The following CNTNAP2 variants were observed in gnomAD, a reference collection of about 807,000 sequenced individuals.
CNTNAP2 encodes the protein contactin-associated protein-like 2.
A neutral mutation model predicts 155.2 loss-of-function variants in CNTNAP2; 98 were observed. The ratio of observed to expected loss-of-function variants is 0.63; its 90% CI spans 0.54 to 0.75. The LOEUF (loss-of-function observed/expected upper bound fraction) is 0.75, where lower values mean the gene tolerates loss of function less well. CNTNAP2 is among the 30% of genes least tolerant of loss of function. The probability of loss-of-function intolerance (pLI) is 0.00; values close to 1 mark genes in which losing one functional copy is unlikely to be tolerated. For missense variants in CNTNAP2, 1,727 were observed against 1,688.1 expected (o/e 1.02, Z -0.40); for synonymous variants, 651 against 631.2 (o/e 1.03, Z -0.47).
At chr7:146,998,501 C>G (rs940315162) in intron 3 of CNTNAP2, among the ~76,000 whole-genome samples, 1 of 151,950 alleles carries the variant, frequency 6.6e-6, no homozygotes, top group African/African-American at 2.4e-5. Context: ...GTGTATTCTG[C>G]AGCTGTTGGA....
rs373841338 is a variant in CNTNAP2 at position 146,179,785 on chromosome 7, T to C, written c.97+62812T>C. Among the ~76,000 whole-genome samples the C allele has an allele frequency of 8.5e-5, 13 of 152,234 alleles. No homozygotes were observed. In the East Asian group the frequency reaches 2.1e-3, roughly 25 times the overall value. On this transcript the variant is annotated intron_variant, in intron 1 of 23. Coordinates refer to ENST00000361727, the MANE Select transcript of CNTNAP2 (RefSeq NM_014141.6). ...AAATTTAATTATTGTAGAATATAGATTAGTGACTAAAATGAAAAGAAAAAG... is the reference window on the plus strand; with the variant it reads ...AAATTTAATTATTGTAGAATATAGACTAGTGACTAAAATGAAAAGAAAAAG...
chr7:146,859,703 T>G (rs901890458), intron 3 of CNTNAP2, among the ~76,000 whole-genome samples: 5 of 151,902 alleles, frequency 3.3e-5, no homozygotes, highest in African/African-American at 1.2e-4. Context: ...GTCTGAGACC[T>G]ACCCTGACTC....
chr7:148,245,867 C>T (rs1796253052), intron 20 of CNTNAP2, among the ~76,000 whole-genome samples: 1 of 152,128 alleles, frequency 6.6e-6, no homozygotes, highest in Non-Finnish European at 1.5e-5. Context: ...CCATCATCTC[C>T]CTTCACTTCC....
At chr7:146,592,306 A>G (rs757532569) in intron 1 of CNTNAP2, among the ~76,000 whole-genome samples, 3 of 152,226 alleles carry the variant, frequency 2.0e-5, no homozygotes, top group Admixed American at 6.5e-5. Context: ...TGAGAAATGC[A>G]AAGAAGATCT....
At chr7:146,396,865 A>G (rs1795635871) in intron 1 of CNTNAP2, among the ~76,000 whole-genome samples, 1 of 152,076 alleles carries the variant, frequency 6.6e-6, no homozygotes, top group African/African-American at 2.4e-5. Context: ...AGAGATAACA[A>G]TAATACTTAA....
At chr7:147,720,521 T>C (rs1360622534) in intron 13 of CNTNAP2, among the ~76,000 whole-genome samples, 1 of 152,118 alleles carries the variant, frequency 6.6e-6, no homozygotes, top group Non-Finnish European at 1.5e-5. Flanking sequence ...ATGGTTAGGC[T>C]TTGTGTCCCC....
intron 18 of CNTNAP2, among the ~76,000 whole-genome samples, chr7:148,176,144 A>C (rs1794929964): frequency 6.6e-6 from 1 of 151,964 alleles, no homozygotes; most frequent in African/African-American, 2.4e-5. Context: ...GCACTAGTCA[A>C]AACCACACAA....
intron 3 of CNTNAP2, among the ~76,000 whole-genome samples, chr7:147,022,291 G>A (rs1052531025): frequency 1.3e-5 from 2 of 152,080 alleles, no homozygotes; most frequent in African/African-American, 2.4e-5. Context: ...GCTGTGACGA[G>A]TTCACTATTC....
chr7:146,395,804 GAT>G lies in CNTNAP2; in HGVS notation c.97+278833_97+278834del, dbSNP rs1563068331. ...TGATAGATAGATAGATAGATAGATAGATAGATAGATAGATAGATAGAGGAGAG... is the reference window on the plus strand; with the variant it reads ...TGATAGATAGATAGATAGATAGATAGAGATAGATAGATAGATAGAGGAGAG... On this transcript the variant is annotated intron_variant, in intron 1 of 23. Transcript: ENST00000361727. Among the ~76,000 whole-genome samples, 634 of 140,140 alleles carry G rather than the reference GAT, an allele frequency of 4.5e-3. 5 individuals are homozygous for G. Among genetic ancestry groups the G allele is most frequent in the African/African-American group, 0.019 (599 of 31,874 alleles). The allele number at this position is 140,140 out of a possible 152,430, so 91.9% of individuals were successfully genotyped here.
At position 147,102,173 on chromosome 7, in the gene CNTNAP2, T is replaced by C. The variant is rs151053922; in HGVS notation, c.551-5974T>C. Among the ~76,000 whole-genome samples the C allele has an allele frequency of 1.7e-3, 252 of 151,346 alleles. 2 individuals are homozygous for C. The highest frequency in any genetic ancestry group is 0.01 in the Middle Eastern group (3 of 292). ...ATCAAATTGAAATATCAAATTTCAATTAACAATCATTGCACCTCAAATGAA... is the reference window on the plus strand; with the variant it reads ...ATCAAATTGAAATATCAAATTTCAACTAACAATCATTGCACCTCAAATGAA... On this transcript the variant is annotated intron_variant, in intron 4 of 23. Coordinates refer to ENST00000361727, the MANE Select transcript of CNTNAP2 (RefSeq NM_014141.6).
chr7:147,931,748 A>C (rs1800508326), intron 14 of CNTNAP2, among the ~76,000 whole-genome samples: 1 of 152,234 alleles, frequency 6.6e-6, no homozygotes, highest in Non-Finnish European at 1.5e-5. Flanking sequence ...GATGAAAATA[A>C]GTGGAAAGAC....
At chr7:147,013,641 C>G (rs1340230296) in intron 3 of CNTNAP2, among the ~76,000 whole-genome samples, 1 of 152,080 alleles carries the variant, frequency 6.6e-6, no homozygotes, top group African/African-American at 2.4e-5. Flanking sequence ...TCATCCGTGT[C>G]CGTCTATCCC....
chr7:146,332,526 T>C (rs1005690715), intron 1 of CNTNAP2, among the ~76,000 whole-genome samples: 2 of 152,192 alleles, frequency 1.3e-5, no homozygotes, highest in African/African-American at 4.8e-5. Context: ...ATTTATCTAG[T>C]CAATCCGAAA....
chr7:147,233,417 C>T (rs1014290929), intron 8 of CNTNAP2, among the ~76,000 whole-genome samples: 1 of 152,030 alleles, frequency 6.6e-6, no homozygotes, highest in African/African-American at 2.4e-5. Flanking sequence ...ATTTTAATTC[C>T]ACAATTTAAC....
intron 3 of CNTNAP2, among the ~76,000 whole-genome samples, chr7:146,983,399 TAC>T (rs1210082238): frequency 2.0e-5 from 3 of 152,100 alleles, no homozygotes; most frequent in East Asian, 3.9e-4. Flanking sequence ...TGAAAAAAGG[TAC>T]ACAATTTTAG....
intron 10 of CNTNAP2, among the ~76,000 whole-genome samples, chr7:147,409,834 A>C (rs560633654): frequency 3.3e-5 from 5 of 152,322 alleles, no homozygotes; most frequent in African/African-American, 1.2e-4. Context: ...GAGAAATGCA[A>C]ATCAAAACCA....
chr7:146,285,066 C>G (rs766427761), intron 1 of CNTNAP2, among the ~76,000 whole-genome samples: 1 of 152,140 alleles, frequency 6.6e-6, no homozygotes, highest in Non-Finnish European at 1.5e-5. Flanking sequence ...ATTTCTTGGA[C>G]ATTTATACAA....
At chr7:148,220,863 C>A (rs750552218) in intron 19 of CNTNAP2, among the ~76,000 whole-genome samples, 3 of 152,102 alleles carry the variant, frequency 2.0e-5, no homozygotes, top group African/African-American at 7.2e-5. Context: ...GTTTTTTTGA[C>A]CCACTGATGT....
At chr7:147,769,831 C>A (rs1797441103) in intron 13 of CNTNAP2, among the ~76,000 whole-genome samples, 1 of 152,142 alleles carries the variant, frequency 6.6e-6, no homozygotes, top group South Asian at 2.1e-4. Context: ...GGTTACACGG[C>A]ATGCTGTGGC....
Sources: allele counts gnomAD v4.1 joint callset (sites outside exome capture counted in the v4.1 genomes callset), GRCh38; gene constraint gnomAD v4.1.1; transcripts MANE v1.5; gene names NCBI Gene and HGNC (gene_info 2026-07-23, HGNC 2026-07-21).